The following LDHAL6A variants were observed in gnomAD, a reference collection of about 807,000 sequenced individuals.
LDHAL6A encodes the protein L-lactate dehydrogenase A-like 6A.
A neutral mutation model predicts 28.2 loss-of-function variants in LDHAL6A; 19 were observed. The ratio of observed to expected loss-of-function variants is 0.67; its 90% CI spans 0.47 to 0.99. LDHAL6A has a LOEUF of 0.99. Ranked by LOEUF, LDHAL6A falls within the 50% of genes least tolerant of loss-of-function variation. LDHAL6A has a pLI of 0.00. For missense variants in LDHAL6A, 372 were observed against 398.6 expected, an observed-to-expected ratio of 0.93 and a Z score of 0.57; for synonymous variants, 144 against 134.4, an observed-to-expected ratio of 1.07 and a Z score of -0.49.
intron 3 of LDHAL6A, 22 bp downstream of exon 3, chr11:18,465,832 T>G (rs1207550692): frequency 1.3e-6 from 2 of 1,597,000 alleles, no homozygotes; most frequent in Admixed American, 3.4e-5. Context: ...TGTTTTAAAT[T>G]TTCAACTTTT....
intron 2 of LDHAL6A, among the ~76,000 whole-genome samples, chr11:18,464,521 CCTGA>C (rs1166076400): frequency 2.0e-5 from 3 of 152,204 alleles, no homozygotes; most frequent in African/African-American, 7.2e-5. Flanking sequence ...TCGAGACCAG[CCTGA>C]CTAACATACA....
intron 4 of LDHAL6A, 86 bp from the exon 5 acceptor site, chr11:18,476,298 G>A (rs572706621): frequency 4.5e-4 from 654 of 1,468,606 alleles, no homozygotes; most frequent in Non-Finnish European, 5.5e-4. Flanking sequence ...ATCACTCAGG[G>A]CAATTATAAC....
Position 18,477,756 on chromosome 11 carries a change from T to C in LDHAL6A, c.834+13T>C, listed in dbSNP as rs1014434027. ...TACCCTAAGTAAGGTAGGACATTCA[T>C]GTTCGAAAAATCATTAACTCAACAT... is the stretch of plus-strand genomic sequence containing the variant. On this transcript the variant is annotated intron_variant, in intron 6 of 6. Coordinates refer to ENST00000280706, the MANE Select transcript of LDHAL6A (RefSeq NM_144972.5). 5 of 1,584,238 alleles carry C rather than the reference T, an allele frequency of 3.2e-6. No individual in the cohort carries two copies. Among genetic ancestry groups the C allele is most frequent in the Non-Finnish European group, 4.3e-6 (5 of 1,169,144 alleles).
chr11:18,467,983 ATATATATG>A (rs1849144152), intron 3 of LDHAL6A, among the ~76,000 whole-genome samples: 4 of 44,712 alleles, frequency 8.9e-5, no homozygotes, highest in African/African-American at 5.1e-4. Flanking sequence ...ATATATACGT[ATATATATG>A]CATATATATA....
In LDHAL6A at chr11:18,464,006, C is replaced by CTG. The variant is rs1252487221; in HGVS notation, c.173_174dup (p.Lys59Ter). On this transcript the variant is annotated frameshift_variant, in exon 2 of 7. Coordinates refer to ENST00000280706, the MANE Select transcript of LDHAL6A (RefSeq NM_144972.5). LOFTEE classifies it high-confidence loss of function. Reference sequence around the variant, plus strand: ...CCTTGTGGATGTTGATGAAGGCAAACTGAAGGGTGAGACAATGGATCTTCA... The same window carrying CTG: ...CCTTGTGGATGTTGATGAAGGCAAACTGTGAAGGGTGAGACAATGGATCTTCA... 6.8e-6 allele frequency: 11 copies of CTG among 1,613,834 alleles called. No individual in the cohort carries two copies. Among genetic ancestry groups the CTG allele is most frequent in the Non-Finnish European group, 9.3e-6 (11 of 1,179,920 alleles).
intron 4 of LDHAL6A, 79 bp downstream of exon 4, chr11:18,475,718 T>C: frequency 8.0e-7 from 1 of 1,255,436 alleles, no homozygotes; most frequent in South Asian, 1.7e-5. Flanking sequence ...AAGTAGCTCC[T>C]GGGAGGGGAG....
intron 3 of LDHAL6A, among the ~76,000 whole-genome samples, chr11:18,474,029 A>G (rs925523910): frequency 6.6e-6 from 1 of 151,954 alleles, no homozygotes; most frequent in African/African-American, 2.4e-5. Flanking sequence ...TTGATATTGA[A>G]CCACCTTTGC....
chr11:18,475,424 T>C, intron 3 of LDHAL6A, 42 bp from the exon 4 acceptor site: 1 of 1,464,814 alleles, frequency 6.8e-7, no homozygotes, highest in South Asian at 1.2e-5. Context: ...AACATATCCT[T>C]GTAGATGAGG....
chr11:18,460,480 C>G (rs1352987280), intron 1 of LDHAL6A, among the ~76,000 whole-genome samples: 1 of 151,186 alleles, frequency 6.6e-6, no homozygotes, highest in African/African-American at 2.5e-5. Flanking sequence ...GTAATCCCAG[C>G]TACTTGGGAG....
At chr11:18,476,346 C>G (rs1292690445) in intron 4 of LDHAL6A, 38 bp from the exon 5 acceptor site, 1 of 1,598,890 alleles carries the variant, frequency 6.3e-7, no homozygotes, top group Non-Finnish European at 8.5e-7. Flanking sequence ...CCTGCTAATA[C>G]CATGTAAGAA....
rs1565071682 is a variant in LDHAL6A at position 18,468,027 on chromosome 11, A to ACG, written c.418+2217_418+2218insCG. Among the ~76,000 whole-genome samples, 207 of 55,950 alleles carry ACG rather than the reference A, an allele frequency of 3.7e-3. 11 individuals carry two copies. The highest frequency in any genetic ancestry group is 8.3e-3 in the Middle Eastern group (1 of 120). 36.7% of individuals were successfully genotyped at this position (55,950 alleles called of 152,430 possible). ...CGTATATATATACATATATATACGT[A>ACG]TATATATATACATATATATACGTAT... On this transcript the variant is annotated intron_variant, in intron 3 of 6. Transcript: ENST00000280706.
rs200811138 is a variant in LDHAL6A at position 18,475,531 on chromosome 11, G to T, written c.484G>T (p.Gly162Cys). 2.4e-4 allele frequency: 387 copies of T among 1,614,020 alleles called. No homozygotes were observed. Among genetic ancestry groups the T allele is most frequent in the Non-Finnish European group, 3.0e-4 (353 of 1,179,892 alleles). ...TCCCAAAAACCGTGTTATTGGAAGT[G>T]GTTGTAATCTGGACTCTGCTCGTTT... ...GFPKNRVIGS[G>C]CNLDSARFRY... The change falls in exon 4 of 7, where the codon GGT (glycine) becomes TGT (cysteine). Residue 162 changes from glycine (G) to cysteine (C), a missense_variant. Gly to Cys is a radical substitution (Grantham distance 159). Transcript: ENST00000280706.
chr11:18,463,557 GGAT>G (rs777248217), intron 1 of LDHAL6A, among the ~76,000 whole-genome samples: 14 of 152,164 alleles, frequency 9.2e-5, no homozygotes, highest in Non-Finnish European at 2.9e-5. Context: ...TGTGCCAGGT[GGAT>G]GATAAGTAAG....
intron 6 of LDHAL6A, 47 bp downstream of exon 6, chr11:18,477,790 G>C (rs572037130): frequency 1.3e-6 from 2 of 1,546,104 alleles, no homozygotes; most frequent in East Asian, 2.3e-5. Flanking sequence ...ATAAAATAGG[G>C]GGGTAAAGAA....
Position 18,479,333 on chromosome 11 carries a change from A to G in LDHAL6A, c.*463A>G, listed in dbSNP as rs113924399. 1.5e-5 allele frequency: 2 copies of G among 134,246 alleles called. No individual in the cohort carries two copies. Among genetic ancestry groups the G allele is most frequent in the African/African-American group, 6.3e-5 (2 of 31,966 alleles). 8.3% of individuals were successfully genotyped at this position (134,246 alleles called of 1,614,324 possible). A position where few individuals can be genotyped will look rare whatever the true frequency, so the allele number is the denominator to read the frequency against. ...ATGACACTTTTTTTTTTTTTTTTTT[A>G]AAGTGACGGCATCAAAGATGTTTTT... On this transcript the variant is annotated 3_prime_UTR_variant, in exon 7 of 7. Transcript: ENST00000280706.
intron 2 of LDHAL6A, among the ~76,000 whole-genome samples, chr11:18,464,706 ACT>A (rs1325787382): frequency 6.8e-6 from 1 of 146,536 alleles, no homozygotes. Flanking sequence ...CAAGAGTGAA[ACT>A]CTGTCTCAAA....
At chr11:18,478,178 C>A (rs975198203) in intron 6 of LDHAL6A, among the ~76,000 whole-genome samples, 2 of 152,004 alleles carry the variant, frequency 1.3e-5, no homozygotes, top group African/African-American at 4.8e-5. Context: ...TGGGTGAGAT[C>A]CCTCTGCTAG....
Position 18,468,034 on chromosome 11 carries a change from T to A in LDHAL6A, c.418+2224T>A, listed in dbSNP as rs1446168501. Among the ~76,000 whole-genome samples the A allele has an allele frequency of 2.7e-4, 4 of 14,996 alleles. 1 individual carries two copies. The highest frequency in any genetic ancestry group is 6.1e-4 in the Non-Finnish European group (4 of 6,580). 9.8% of individuals were successfully genotyped at this position (14,996 alleles called of 152,430 possible). A position where few individuals can be genotyped will look rare whatever the true frequency, so the allele number is the denominator to read the frequency against. On this transcript the variant is annotated intron_variant, in intron 3 of 6. Transcript: ENST00000280706. ...ATATACATATATATACGTATATATA[T>A]ATACATATATATACGTATATATATA...
chr11:18,458,159 GGCCCAGGATAGGGCAGT>G (rs1418042679), intron 1 of LDHAL6A, among the ~76,000 whole-genome samples: 1 of 152,088 alleles, frequency 6.6e-6, no homozygotes, highest in Non-Finnish European at 1.5e-5. Context: ...GAGGTTCCAG[GGCCCAGGATAGGGCAGT>G]GCCATGGGGC....
Sources: gnomAD v4.1 joint callset for allele counts (sites outside exome capture counted in the v4.1 genomes callset) on GRCh38, gnomAD v4.1.1 for gene constraint, MANE v1.5 for transcripts, NCBI Gene and HGNC (gene_info 2026-07-23, HGNC 2026-07-21) for gene names.